Variants in RBFOX1 observed in about 807,000 individuals in gnomAD.
RBFOX1 encodes the protein RNA binding protein fox-1 homolog 1.
RBFOX1 carries 8 observed loss-of-function variants against 57.7 expected under a neutral mutation model. The observed-to-expected ratio is 0.14, with a 90% CI of 0.08 to 0.25. RBFOX1 has a LOEUF of 0.25. RBFOX1 is among the 10% of genes least tolerant of loss of function. RBFOX1 has a pLI of 1.00. For synonymous variants in RBFOX1, 326 were observed against 222.4 expected, an observed-to-expected ratio of 1.47 and a Z score of -4.15; for missense variants, 611 against 548.5, an observed-to-expected ratio of 1.11 and a Z score of -1.14.
At chr16:6,702,504 A>C (rs1045039403) in intron 3 of RBFOX1, among the ~76,000 whole-genome samples, 11 of 152,122 alleles carry the variant, frequency 7.2e-5, no homozygotes, top group Non-Finnish European at 1.5e-4. Flanking sequence ...CAGTGAGCCA[A>C]GATTGTGCCA....
At chr16:7,254,685 TAGAA>T (rs2094608660) in intron 4 of RBFOX1, among the ~76,000 whole-genome samples, 1 of 152,090 alleles carries the variant, frequency 6.6e-6, no homozygotes, top group Non-Finnish European at 1.5e-5. Flanking sequence ...AAATCTAAGT[TAGAA>T]AGACATTCAC....
chr16:7,541,061 C>A (rs1038181250), intron 5 of RBFOX1, among the ~76,000 whole-genome samples: 1 of 152,152 alleles, frequency 6.6e-6, no homozygotes, highest in African/African-American at 2.4e-5. Context: ...TTAGAAGCAC[C>A]CCTAACCACA....
At chr16:6,036,152 A>T (rs942580277) in intron 1 of RBFOX1, among the ~76,000 whole-genome samples, 1 of 152,176 alleles carries the variant, frequency 6.6e-6, no homozygotes, top group Non-Finnish European at 1.5e-5. Context: ...AACTGAGACA[A>T]TTCCCTCAGC....
intron 3 of RBFOX1, among the ~76,000 whole-genome samples, chr16:5,658,996 T>A (rs1293576269): frequency 6.6e-6 from 1 of 151,988 alleles, no homozygotes; most frequent in Non-Finnish European, 1.5e-5. Context: ...AGCAATTATC[T>A]TTTTTGCATA....
intron 1 of RBFOX1, among the ~76,000 whole-genome samples, chr16:6,034,243 A>C (rs577629951): frequency 1.4e-5 from 2 of 145,708 alleles, no homozygotes; most frequent in African/African-American, 5.1e-5. Context: ...GCTGAGGCAG[A>C]AGAATTGCTT....
At chr16:5,411,328 A>T (rs2067016064) in intron 1 of RBFOX1, among the ~76,000 whole-genome samples, 1 of 152,170 alleles carries the variant, frequency 6.6e-6, no homozygotes, top group Non-Finnish European at 1.5e-5. Flanking sequence ...AGTAAGAGAG[A>T]AGTAGCAGAG....
chr16:6,582,174 A>G (rs1030236671), intron 2 of RBFOX1, among the ~76,000 whole-genome samples: 1 of 152,178 alleles, frequency 6.6e-6, no homozygotes, highest in Non-Finnish European at 1.5e-5. Flanking sequence ...ATAAAACACA[A>G]TTTTGTGATA....
chr16:7,034,841 C>CTTTTTTCTTTTCTTTTTTTTTTTT (rs2043872771), intron 3 of RBFOX1, among the ~76,000 whole-genome samples: 1 of 39,166 alleles, frequency 2.6e-5, no homozygotes, highest in Non-Finnish European at 4.4e-5. Flanking sequence ...TTTTTTTTTT[C>CTTTTTTCTTTTCTTTTTTTTTTTT]TTTTTTCTTT....
rs575913506 is a variant in RBFOX1, at chr16:6,343,126, A to G, written c.-64+26069A>G. Among the ~76,000 whole-genome samples the G allele has an allele frequency of 1.9e-4, 29 of 152,220 alleles. No homozygotes were observed. In the South Asian group the frequency reaches 4.2e-3, roughly 22 times the overall value. On this transcript the variant is annotated intron_variant, in intron 2 of 15. Coordinates refer to ENST00000550418, the MANE Select transcript of RBFOX1 (RefSeq NM_018723.4). The stretch of plus-strand genomic sequence containing the variant: ...AAAATGAGTCTCTTGGTCTTTCTTT[A>G]TTTCTTATACCCCTCTTCCTCTCTG...
At chr16:7,498,169 G>C (rs974495945) in intron 4 of RBFOX1, among the ~76,000 whole-genome samples, 1 of 152,162 alleles carries the variant, frequency 6.6e-6, no homozygotes, top group Non-Finnish European at 1.5e-5. Flanking sequence ...GTGGCGTGTG[G>C]GGTGGGATGG....
intron 3 of RBFOX1, among the ~76,000 whole-genome samples, chr16:6,845,492 G>C (rs1172068308): frequency 1.3e-5 from 2 of 152,092 alleles, no homozygotes; most frequent in Non-Finnish European, 2.9e-5. Context: ...ATGGATGGGG[G>C]TGTGCAGTCT....
chr16:5,629,948 C>G (rs1406478608), intron 3 of RBFOX1, among the ~76,000 whole-genome samples: 1 of 152,170 alleles, frequency 6.6e-6, no homozygotes, highest in African/African-American at 2.4e-5. Context: ...GTGCTCATCT[C>G]ACAGGAGAGC....
intron 1 of RBFOX1, among the ~76,000 whole-genome samples, chr16:6,024,323 T>C (rs534939646): frequency 6.6e-6 from 1 of 152,276 alleles, no homozygotes; most frequent in East Asian, 1.9e-4. Context: ...AAGCAAGACG[T>C]TGAAATATAT....
intron 1 of RBFOX1, among the ~76,000 whole-genome samples, chr16:6,102,863 T>TG: frequency 6.6e-6 from 1 of 152,108 alleles, no homozygotes; most frequent in Non-Finnish European, 1.5e-5. Flanking sequence ...AGGACAGGGT[T>TG]GGGGTTGGAA....
intron 3 of RBFOX1, among the ~76,000 whole-genome samples, chr16:6,713,251 A>G (rs1027342520): frequency 3.3e-5 from 4 of 122,524 alleles, no homozygotes; most frequent in Non-Finnish European, 5.1e-5. Context: ...AACTCTGACC[A>G]TATCATACCT....
rs1338839393 is a variant in RBFOX1 at position 7,052,109 on chromosome 16, C to G, written c.27+11C>G. The G allele has an allele frequency of 6.3e-7, 1 of 1,594,570 alleles. No individual in the cohort carries two copies. Among genetic ancestry groups the G allele is most frequent in the South Asian group, 1.2e-5 (1 of 86,176 alleles). ...AGAGAGCAGCTAAGGGTAGGTGCAC[C>G]TGCTTGTAAAATGCTTCCTGATTCT... On this transcript the variant is annotated intron_variant, in intron 4 of 15. Transcript: ENST00000550418.
At chr16:6,793,247 G>T (rs1443146229) in intron 3 of RBFOX1, among the ~76,000 whole-genome samples, 1 of 152,104 alleles carries the variant, frequency 6.6e-6, no homozygotes. Context: ...CATTCCAGTA[G>T]ACCGATTGGA....
chr16:5,491,766 C>T (rs991228969), intron 2 of RBFOX1, among the ~76,000 whole-genome samples: 2 of 152,346 alleles, frequency 1.3e-5, no homozygotes, highest in Non-Finnish European at 2.9e-5. Context: ...CCCTTAAAGA[C>T]AGCTCTTGAG....
At chr16:6,084,272 C>G (rs1438052962) in intron 1 of RBFOX1, among the ~76,000 whole-genome samples, 3 of 152,128 alleles carry the variant, frequency 2.0e-5, no homozygotes, top group Non-Finnish European at 4.4e-5. Context: ...GAGACAGTGT[C>G]TTGCTCTGTC....
Sources: gnomAD v4.1 joint callset for allele counts (sites outside exome capture counted in the v4.1 genomes callset) on GRCh38, gnomAD v4.1.1 for gene constraint, MANE v1.5 for transcripts, NCBI Gene and HGNC (gene_info 2026-07-23, HGNC 2026-07-21) for gene names.